PTGER3: variants seen among roughly 807,000 people sequenced by gnomAD.
PTGER3 encodes prostaglandin E receptor 3, also known as prostaglandin E2 receptor EP3 subtype.
Under a neutral mutation model 34.7 loss-of-function variants are expected in PTGER3, and 22 were observed. The ratio of observed to expected loss-of-function variants is 0.63; its 90% confidence interval spans 0.45 to 0.91. The LOEUF is 0.91. Among genes scored for constraint, PTGER3 ranks in the 40% least tolerant of loss-of-function variants. PTGER3 has a pLI of 0.00. For synonymous variants in PTGER3, 241 were observed against 230.1 expected (o/e 1.05, Z -0.43); for missense variants, 468 against 519.4 (o/e 0.90, Z 0.96).
chr1:70,976,128 AC>A (rs1653673125), intron 2 of PTGER3, among the ~76,000 whole-genome samples: 1 of 148,526 alleles, frequency 6.7e-6, no homozygotes, highest in Admixed American at 6.7e-5. Context: ...AAAAAAAAAA[AC>A]CTAAAGTAAG....
intron 2 of PTGER3, among the ~76,000 whole-genome samples, chr1:70,954,720 G>T (rs933489626): frequency 1.3e-5 from 2 of 151,848 alleles, no homozygotes; most frequent in Admixed American, 1.3e-4. Context: ...ATTCAATAGG[G>T]TCTCTTGATG....
At chr1:70,970,756 G>C (rs1557697898), downstream of PTGER3, 12 of 578,742 alleles carry the variant, frequency 2.1e-5, no homozygotes, top group Non-Finnish European at 2.4e-5. Flanking sequence ...CATATCCGTT[G>C]AAAACTATTA....
intron 1 of PTGER3, among the ~76,000 whole-genome samples, chr1:71,025,637 TAAC>T (rs1658861734): frequency 1.3e-5 from 2 of 152,134 alleles, no homozygotes; most frequent in Non-Finnish European, 2.9e-5. Context: ...AGACGAATAA[TAAC>T]AAAACAGCAA....
At chr1:70,934,172 G>T (rs917584225) in intron 4 of PTGER3, among the ~76,000 whole-genome samples, 1 of 151,998 alleles carries the variant, frequency 6.6e-6, no homozygotes, top group East Asian at 1.9e-4. Flanking sequence ...AACTAAACTC[G>T]TAATTACCTG....
intron 4 of PTGER3, among the ~76,000 whole-genome samples, chr1:70,893,058 A>G (rs544211295): frequency 6.6e-6 from 1 of 152,318 alleles, no homozygotes; most frequent in Admixed American, 6.5e-5. Context: ...TATTGAGTAC[A>G]AACTAGAACT....
intron 4 of PTGER3, among the ~76,000 whole-genome samples, chr1:70,942,235 T>C (rs1281882365): frequency 6.6e-6 from 1 of 152,138 alleles, no homozygotes; most frequent in Non-Finnish European, 1.5e-5. Flanking sequence ...TTGAGATGAA[T>C]GGAGTCTGAT....
intron 1 of PTGER3, among the ~76,000 whole-genome samples, chr1:71,014,855 T>C (rs1036159063): frequency 6.6e-6 from 1 of 152,184 alleles, no homozygotes; most frequent in South Asian, 2.1e-4. Flanking sequence ...CCATCACAGG[T>C]GCAGCTTCCA....
At chr1:71,010,529 G>A (rs1657348001) in intron 2 of PTGER3, 1 of 983,988 alleles carries the variant, frequency 1.0e-6, no homozygotes, top group South Asian at 4.7e-5. Context: ...CATTGCCTCT[G>A]TGTCTATCTG....
At chr1:70,944,114 T>A (rs1650007216) in intron 4 of PTGER3, among the ~76,000 whole-genome samples, 1 of 152,168 alleles carries the variant, frequency 6.6e-6, no homozygotes, top group Non-Finnish European at 1.5e-5. Context: ...ATCACTCAAG[T>A]CATTCTTCCT....
intron 4 of PTGER3, among the ~76,000 whole-genome samples, chr1:70,854,371 TCACTAA>T (rs1645752766): frequency 5.9e-5 from 9 of 152,202 alleles, no homozygotes; most frequent in Admixed American, 4.6e-4. Flanking sequence ...ATATTCAATG[TCACTAA>T]CCATTAGAGA....
chr1:71,025,975 A>T (rs1658892388), intron 1 of PTGER3, among the ~76,000 whole-genome samples: 1 of 152,194 alleles, frequency 6.6e-6, no homozygotes, highest in African/African-American at 2.4e-5. Context: ...TGAATCTGGC[A>T]TTGTGTGATT....
intron 1 of PTGER3, among the ~76,000 whole-genome samples, chr1:71,037,835 C>T (rs1276579855): frequency 6.6e-6 from 1 of 152,214 alleles, no homozygotes; most frequent in Non-Finnish European, 1.5e-5. Flanking sequence ...TCTTTAATAA[C>T]TTTCTTCTGT....
At chr1:70,970,107 T>C (rs1652928942), downstream of PTGER3, among the ~76,000 whole-genome samples, 1 of 152,142 alleles carries the variant, frequency 6.6e-6, no homozygotes, top group Non-Finnish European at 1.5e-5. Context: ...TTTCATCCCA[T>C]TGTGCTGTAA....
chr1:70,879,388 A>T (rs1387026005), intron 4 of PTGER3, among the ~76,000 whole-genome samples: 4 of 152,080 alleles, frequency 2.6e-5, no homozygotes, highest in Admixed American at 1.3e-4. Context: ...CTGGGATTAC[A>T]AGTGTGAGCC....
intron 4 of PTGER3, among the ~76,000 whole-genome samples, chr1:70,908,614 A>C (rs1417817728): frequency 6.6e-6 from 1 of 152,080 alleles, no homozygotes; most frequent in African/African-American, 2.4e-5. Flanking sequence ...CATCTAAATA[A>C]CCTATTTGTA....
chr1:70,994,154 C>G (rs747283275), intron 2 of PTGER3, among the ~76,000 whole-genome samples: 2 of 152,162 alleles, frequency 1.3e-5, no homozygotes, highest in Non-Finnish European at 2.9e-5. Flanking sequence ...CATTCTCCAG[C>G]TAGGGCCATT....
At chr1:71,005,129 T>C (rs1656832085) in intron 2 of PTGER3, among the ~76,000 whole-genome samples, 2 of 152,210 alleles carry the variant, frequency 1.3e-5, no homozygotes, top group African/African-American at 4.8e-5. Flanking sequence ...GTCAGGGACA[T>C]TGGGAAATAA....
intron 2 of PTGER3, among the ~76,000 whole-genome samples, chr1:70,987,225 T>A (rs557625092): frequency 6.6e-6 from 1 of 152,254 alleles, no homozygotes; most frequent in Non-Finnish European, 1.5e-5. Flanking sequence ...AGGAAGGAAA[T>A]GGAAACAATG....
At chr1:71,002,132 G>A (rs143035610) in intron 2 of PTGER3, 269 of 152,108 alleles carry the variant, frequency 1.8e-3, no homozygotes, top group Middle Eastern at 0.014. Flanking sequence ...GTGAGGTGTC[G>A]CATGCCTGTA....
Sources: allele counts gnomAD v4.1 joint callset (sites outside exome capture counted in the v4.1 genomes callset), GRCh38; gene constraint gnomAD v4.1.1; transcripts MANE v1.5; gene names NCBI Gene and HGNC (gene_info 2026-07-23, HGNC 2026-07-21).